Variants in RAPGEF2 observed in about 807,000 individuals in gnomAD.
RAPGEF2 encodes PDZ domain containing guanine nucleotide exchange factor (GEF) 1.
RAPGEF2 carries 54 observed loss-of-function variants against 186.7 expected under a neutral mutation model. The ratio of observed to expected loss-of-function variants is 0.29; its 90% CI spans 0.23 to 0.36. RAPGEF2 has a LOEUF of 0.36. Ranked by LOEUF, RAPGEF2 falls within the 10% of genes least tolerant of loss-of-function variation. The pLI is 1.00. For synonymous variants in RAPGEF2, 712 were observed against 705.9 expected, an observed-to-expected ratio of 1.01 and a Z score of -0.14; for missense variants, 1,532 against 2,045.0, an observed-to-expected ratio of 0.75 and a Z score of 4.84.
intron 1 of RAPGEF2, among the ~76,000 whole-genome samples, chr4:159,164,370 A>C (rs2111228830): frequency 6.6e-6 from 1 of 151,550 alleles, no homozygotes; most frequent in Non-Finnish European, 1.5e-5. Context: ...AGGGGAGAGA[A>C]TATAAGAACA....
chr4:159,331,136 C>G (rs1376911311), intron 13 of RAPGEF2, among the ~76,000 whole-genome samples: 3 of 152,034 alleles, frequency 2.0e-5, no homozygotes, highest in Non-Finnish European at 1.5e-5. Flanking sequence ...TTTATTACAC[C>G]TTTGCTTTTA....
intron 11 of RAPGEF2, chr4:159,326,637 T>A (rs1765962965): frequency 6.6e-6 from 1 of 152,258 alleles, no homozygotes; most frequent in African/African-American, 2.4e-5. Context: ...CCCACTTCAG[T>A]GTCTATTCTT....
intron 25 of RAPGEF2, among the ~76,000 whole-genome samples, chr4:159,348,189 C>G (rs996244633): frequency 6.7e-6 from 1 of 150,144 alleles, no homozygotes; most frequent in Non-Finnish European, 1.5e-5. Context: ...TCACTGCACT[C>G]CAGCCTGGGC....
At chr4:159,348,242 A>AGATAGATAGATGGATGGATG (rs544061786) in intron 25 of RAPGEF2, among the ~76,000 whole-genome samples, 8 of 144,954 alleles carry the variant, frequency 5.5e-5, no homozygotes, top group African/African-American at 2.2e-4. Context: ...ATAGATAGAT[A>AGATAGATAGATGGATGGATG]GATGGATGGA....
chr4:159,144,790 A>G (rs928835532), intron 1 of RAPGEF2, among the ~76,000 whole-genome samples: 7 of 151,688 alleles, frequency 4.6e-5, no homozygotes, highest in African/African-American at 1.7e-4. Context: ...GAGAAAGCAT[A>G]GCTCTAACCT....
intron 26 of RAPGEF2, among the ~76,000 whole-genome samples, chr4:159,351,461 T>C (rs1044975100): frequency 5.3e-5 from 8 of 152,226 alleles, no homozygotes; most frequent in Non-Finnish European, 1.2e-4. Flanking sequence ...ACCAATATGC[T>C]GAAAGAACAT....
intron 7 of RAPGEF2, among the ~76,000 whole-genome samples, chr4:159,274,935 A>G (rs992747133): frequency 9.2e-5 from 14 of 152,084 alleles, no homozygotes; most frequent in South Asian, 4.1e-4. Context: ...TGTCTTTCCT[A>G]TTGGTGCAGA....
Position 159,322,485 on chromosome 4 carries a change from T to A in RAPGEF2, c.990+2T>A. On this transcript the variant is annotated splice_donor_variant, in intron 10 of 29. Coordinates refer to ENST00000691494, the MANE Select transcript of RAPGEF2 (RefSeq NM_001394067.2). LOFTEE classifies it high-confidence loss of function. ...ATAGTGTTAAATGATGGTGAAGAGG[T>A]GAGTAACTATTCCTACCACTTAAAA... 1 of 1,612,138 alleles carries A rather than the reference T, an allele frequency of 6.2e-7. No homozygotes were observed. The highest frequency in any genetic ancestry group is 8.5e-7 in the Non-Finnish European group (1 of 1,178,714).
intron 1 of RAPGEF2, among the ~76,000 whole-genome samples, chr4:159,124,235 C>CA (rs1171845690): frequency 2.6e-5 from 4 of 151,888 alleles, no homozygotes; most frequent in African/African-American, 9.7e-5. Context: ...CAACTGATTT[C>CA]AGGGCACAAT....
chr4:159,201,648 A>G (rs1050974507), intron 3 of RAPGEF2, among the ~76,000 whole-genome samples: 45 of 152,234 alleles, frequency 3.0e-4, no homozygotes, highest in African/African-American at 1.0e-3. Flanking sequence ...AACTGTAGCA[A>G]AGGGTTTCGA....
chr4:159,299,378 G>C (rs1267411871), intron 7 of RAPGEF2, among the ~76,000 whole-genome samples: 1 of 150,816 alleles, frequency 6.6e-6, no homozygotes, highest in Non-Finnish European at 1.5e-5. Flanking sequence ...TTTCTCAGCA[G>C]TCCTAAGATG....
chr4:159,272,827 T>C (rs1758284180), intron 7 of RAPGEF2, among the ~76,000 whole-genome samples: 1 of 152,206 alleles, frequency 6.6e-6, no homozygotes, highest in Admixed American at 6.5e-5. Flanking sequence ...TGGAGGATGT[T>C]AGAATACCAG....
Position 159,103,615 on chromosome 4 carries a change from T to G in RAPGEF2, c.-548T>G, listed in dbSNP as rs1257362248. The G allele has an allele frequency of 1.3e-5, 2 of 152,642 alleles. No individual in the cohort carries two copies. Among genetic ancestry groups the G allele is most frequent in the Non-Finnish European group, 1.5e-5 (1 of 68,382 alleles). The allele number at this position is 152,642 out of a possible 1,614,324, so 9.5% of individuals were successfully genotyped here. ...ACCGGCGGCCGAGGCGCCCGAGGAC[T>G]GGGGACGCGGAAGATCCAAGTGATT... On this transcript the variant is annotated 5_prime_UTR_variant, in exon 1 of 30. Transcript: ENST00000691494.
At chr4:159,232,165 A>G (rs1752713256) in intron 4 of RAPGEF2, among the ~76,000 whole-genome samples, 1 of 152,162 alleles carries the variant, frequency 6.6e-6, no homozygotes, top group Non-Finnish European at 1.5e-5. Context: ...GTATGGTTAC[A>G]TTTAAGTGTG....
At chr4:159,105,516 T>C (rs1737777153) in intron 1 of RAPGEF2, among the ~76,000 whole-genome samples, 1 of 152,210 alleles carries the variant, frequency 6.6e-6, no homozygotes, top group Non-Finnish European at 1.5e-5. Flanking sequence ...ATGGATAGAT[T>C]GCACATATTT....
At chr4:159,138,227 CACAA>C (rs1442429067) in intron 1 of RAPGEF2, among the ~76,000 whole-genome samples, 3 of 152,148 alleles carry the variant, frequency 2.0e-5, no homozygotes, top group Admixed American at 1.3e-4. Context: ...GATGGAGACA[CACAA>C]ACACACACAC....
At chr4:159,345,715 G>A (rs149084100) in intron 24 of RAPGEF2, among the ~76,000 whole-genome samples, 53 of 152,296 alleles carry the variant, frequency 3.5e-4, no homozygotes, top group African/African-American at 1.3e-3. Context: ...AAAATTGGGT[G>A]TGCTGGCTGC....
chr4:159,131,521 T>TGG (rs1553997068), intron 1 of RAPGEF2, among the ~76,000 whole-genome samples: 23,728 of 83,362 alleles, frequency 0.28, 4,866 homozygotes, highest in African/African-American at 0.33. Context: ...TAATTGCTAT[T>TGG]TTTTTTTTTT....
chr4:159,167,046 A>G (rs548779593), intron 1 of RAPGEF2, among the ~76,000 whole-genome samples: 6 of 152,204 alleles, frequency 3.9e-5, no homozygotes, highest in Non-Finnish European at 8.8e-5. Context: ...AAAGAAGAGA[A>G]GGCCCCGAAA....
Sources: gnomAD v4.1 joint callset for allele counts (sites outside exome capture counted in the v4.1 genomes callset) on GRCh38, gnomAD v4.1.1 for gene constraint, MANE v1.5 for transcripts, NCBI Gene and HGNC (gene_info 2026-07-23, HGNC 2026-07-21) for gene names.